MARCHF1: variants seen among roughly 807,000 people sequenced by gnomAD.
MARCHF1 encodes E3 ubiquitin-protein ligase MARCHF1.
In MARCHF1, 40 loss-of-function variants were observed where a neutral mutation model predicts 54.2. The observed-to-expected ratio is 0.74, with a 90% CI of 0.57 to 0.96. MARCHF1 has a LOEUF of 0.96. MARCHF1 is among the 40% of genes least tolerant of loss of function. The pLI is 0.00. For synonymous variants in MARCHF1, 236 were observed against 236.3 expected, an observed-to-expected ratio of 1.00 and a Z score of 0.01; for missense variants, 586 against 656.5, an observed-to-expected ratio of 0.89 and a Z score of 1.17.
intron 1 of MARCHF1, among the ~76,000 whole-genome samples, chr4:164,340,405 T>TTATATACATATATATATATATA (rs58808830): frequency 2.9e-4 from 28 of 95,648 alleles, no homozygotes; most frequent in African/African-American, 8.3e-4. Context: ...AGGCCTTGAT[T>TTATATACATATATATATATATA]TATATATAGA....
At position 164,029,084 on chromosome 4, in the gene MARCHF1, C is replaced by T. The variant is rs147036278; in HGVS notation, c.-247-40375G>A. Among the ~76,000 whole-genome samples the T allele has an allele frequency of 6.8e-3, 1,028 of 152,250 alleles. 7 individuals are homozygous for T. Among genetic ancestry groups the T allele is most frequent in the East Asian group, 0.018 (92 of 5,184 alleles). ...CCTGTGAGAAATGCGTAAGAAATAT[C>T]ACGCTTGCAAATTCCATTCTTAAAA... On this transcript the variant is annotated intron_variant, in intron 2 of 9. Coordinates refer to ENST00000514618, the MANE Select transcript of MARCHF1 (RefSeq NM_001394959.1).
chr4:163,606,846 A>G (rs955809698), intron 7 of MARCHF1, among the ~76,000 whole-genome samples: 1 of 151,998 alleles, frequency 6.6e-6, no homozygotes, highest in African/African-American at 2.4e-5. Context: ...TCCAACCACA[A>G]TACCCTATGA....
chr4:164,293,401 C>T (rs963598791), intron 1 of MARCHF1, among the ~76,000 whole-genome samples: 3 of 152,162 alleles, frequency 2.0e-5, no homozygotes. Context: ...CAGGGTATAA[C>T]AAATTAAGCT....
At chr4:163,719,354 A>G (rs550718398) in intron 4 of MARCHF1, among the ~76,000 whole-genome samples, 1 of 152,330 alleles carries the variant, frequency 6.6e-6, no homozygotes, top group East Asian at 1.9e-4. Context: ...TACAAAGGAC[A>G]TGAACTCATC....
At chr4:164,248,117 TA>T (rs940575051) in intron 1 of MARCHF1, among the ~76,000 whole-genome samples, 3 of 151,962 alleles carry the variant, frequency 2.0e-5, no homozygotes, top group Non-Finnish European at 1.5e-5. Context: ...AATTAGGACC[TA>T]TATTATACCT....
intron 5 of MARCHF1, among the ~76,000 whole-genome samples, chr4:163,619,555 C>T (rs546927575): frequency 3.3e-4 from 50 of 151,894 alleles, no homozygotes; most frequent in African/African-American, 1.2e-3. Flanking sequence ...GCACGTGGCA[C>T]AGGGAAAGAC....
intron 2 of MARCHF1, among the ~76,000 whole-genome samples, chr4:164,042,253 T>A (rs1560875906): frequency 6.6e-6 from 1 of 152,146 alleles, no homozygotes; most frequent in Non-Finnish European, 1.5e-5. Context: ...ATTAGTCTGT[T>A]CTTACACTGG....
intron 3 of MARCHF1, among the ~76,000 whole-genome samples, chr4:163,890,049 C>T (rs1189694043): frequency 4.7e-5 from 7 of 150,296 alleles, no homozygotes; most frequent in Admixed American, 2.0e-4. Flanking sequence ...CTCAGCCTCC[C>T]GAGTAGCTGG....
chr4:164,117,522 C>A (rs972294), intron 1 of MARCHF1, among the ~76,000 whole-genome samples: 99,617 of 151,724 alleles, frequency 0.66, 33,181 homozygotes, highest in East Asian at 0.9. Flanking sequence ...ATATAAAATA[C>A]AACTACCCAT....
chr4:164,010,351 C>G (rs1579458497), intron 2 of MARCHF1, among the ~76,000 whole-genome samples: 1 of 151,792 alleles, frequency 6.6e-6, no homozygotes, highest in Non-Finnish European at 1.5e-5. Flanking sequence ...CCAGCCTCGG[C>G]CTCCCAAAGT....
chr4:164,007,345 C>CAAAAAAAAAAAAAAAAAA (rs56306052), intron 2 of MARCHF1, among the ~76,000 whole-genome samples: 2 of 81,794 alleles, frequency 2.4e-5, no homozygotes, highest in Non-Finnish European at 4.2e-5. Context: ...GACTCCATCT[C>CAAAAAAAAAAAAAAAAAA]AAAAAAAAAA....
intron 5 of MARCHF1, among the ~76,000 whole-genome samples, chr4:163,620,651 GCACA>G (rs147923508): frequency 1.1e-5 from 1 of 88,318 alleles, no homozygotes; most frequent in Non-Finnish European, 2.6e-5. Flanking sequence ...AGAGAGACAC[GCACA>G]CACACACACA....
At chr4:163,817,219 T>C (rs1007297995) in intron 4 of MARCHF1, among the ~76,000 whole-genome samples, 2 of 152,030 alleles carry the variant, frequency 1.3e-5, no homozygotes, top group African/African-American at 4.8e-5. Context: ...ATTTTACCAC[T>C]GCTTGTTTTG....
intron 2 of MARCHF1, among the ~76,000 whole-genome samples, chr4:164,075,529 C>T (rs1216312685): frequency 2.0e-5 from 3 of 152,184 alleles, no homozygotes; most frequent in Admixed American, 6.5e-5. Context: ...CTGAGGCCAT[C>T]CTCACCTGAC....
At chr4:164,147,856 T>A (rs1003238133) in intron 1 of MARCHF1, among the ~76,000 whole-genome samples, 11 of 129,796 alleles carry the variant, frequency 8.5e-5, no homozygotes, top group Admixed American at 1.5e-4. Flanking sequence ...ATAAATTCCA[T>A]TTCTCTTATG....
At chr4:163,941,936 A>G (rs1751920900) in intron 3 of MARCHF1, among the ~76,000 whole-genome samples, 1 of 152,130 alleles carries the variant, frequency 6.6e-6, no homozygotes, top group African/African-American at 2.4e-5. Context: ...TTCTTTCCAT[A>G]TTTTGTTTCT....
intron 1 of MARCHF1, among the ~76,000 whole-genome samples, chr4:164,179,509 C>T (rs77805891): frequency 0.023 from 3,563 of 152,048 alleles, 122 homozygotes; most frequent in African/African-American, 0.078. Context: ...GCTCCTAAAG[C>T]GGTACAGAAA....
intron 2 of MARCHF1, among the ~76,000 whole-genome samples, chr4:164,006,528 G>A (rs562626980): frequency 2.0e-5 from 3 of 152,196 alleles, no homozygotes; most frequent in African/African-American, 7.2e-5. Context: ...TTGAGAGGGA[G>A]CTGAAAATGT....
intron 5 of MARCHF1, among the ~76,000 whole-genome samples, chr4:163,674,134 C>A (rs1490187047): frequency 6.6e-6 from 1 of 152,110 alleles, no homozygotes; most frequent in Non-Finnish European, 1.5e-5. Context: ...ATCAAAATAA[C>A]CACCAACACC....
Sources: allele counts gnomAD v4.1 joint callset (sites outside exome capture counted in the v4.1 genomes callset), GRCh38; gene constraint gnomAD v4.1.1; transcripts MANE v1.5; gene names NCBI Gene and HGNC (gene_info 2026-07-23, HGNC 2026-07-21).